Variants in CDK19 observed in about 807,000 individuals in gnomAD.
The protein encoded by CDK19 is cyclin-dependent kinase 19.
CDK19 carries 20 observed loss-of-function variants against 68.3 expected under a neutral mutation model. The ratio of observed to expected loss-of-function variants is 0.29; its 90% CI spans 0.21 to 0.43. The LOEUF is 0.43. Among genes scored for constraint, CDK19 ranks in the 20% least tolerant of loss-of-function variants. The probability of loss-of-function intolerance (pLI) is 1.00; values close to 1 mark genes in which losing one functional copy is unlikely to be tolerated. For synonymous variants in CDK19, 221 were observed against 222.8 expected (o/e 0.99, Z 0.07); for missense variants, 339 against 623.5 (o/e 0.54, Z 4.86).
rs1351042451 is a variant in CDK19, at chr6:110,684,438, G to GT, written c.205-13898dup. Among the ~76,000 whole-genome samples the GT allele has an allele frequency of 2.9e-5, 3 of 104,424 alleles. No individual in the cohort carries two copies. The South Asian group carries it at 1.3e-3, about 46-fold the overall frequency. 68.5% of individuals were successfully genotyped at this position (104,424 alleles called of 152,430 possible). On this transcript the variant is annotated intron_variant, in intron 2 of 12. Coordinates refer to ENST00000368911, the MANE Select transcript of CDK19 (RefSeq NM_015076.5). ...TCTCTCCTTGAAATAGAATGGTGGG[G>GT]TGGGGGGTGGGGAATAAGGGGTGGG...
chr6:110,797,671 C>T (rs969240561), intron 1 of CDK19, among the ~76,000 whole-genome samples: 4 of 152,178 alleles, frequency 2.6e-5, no homozygotes, highest in Non-Finnish European at 5.9e-5. Flanking sequence ...AGGAAACAGA[C>T]TTTGTATGAA....
At chr6:110,717,272 C>G (rs535800651) in intron 2 of CDK19, among the ~76,000 whole-genome samples, 1 of 151,710 alleles carries the variant, frequency 6.6e-6, no homozygotes, top group Non-Finnish European at 1.5e-5. Context: ...GAATGATATA[C>G]TTGGGCCCCT....
chr6:110,739,235 G>A (rs562174841), intron 2 of CDK19, among the ~76,000 whole-genome samples: 6 of 152,274 alleles, frequency 3.9e-5, no homozygotes, highest in East Asian at 3.9e-4. Flanking sequence ...ACTAGGTCAC[G>A]AGGACAGAGC....
intron 1 of CDK19, among the ~76,000 whole-genome samples, chr6:110,766,037 G>A (rs929848265): frequency 1.3e-5 from 2 of 152,102 alleles, no homozygotes; most frequent in Non-Finnish European, 2.9e-5. Context: ...AAAACAGTAT[G>A]AACATTCCTC....
chr6:110,764,952 A>AAAATAAATAAATAAATAAAT (rs57218365), intron 1 of CDK19, among the ~76,000 whole-genome samples: 22,264 of 140,806 alleles, frequency 0.16, 1,970 homozygotes, highest in Admixed American at 0.24. Flanking sequence ...CTCCATCTCA[A>AAAATAAATAAATAAATAAAT]AAATAAATAA....
intron 2 of CDK19, among the ~76,000 whole-genome samples, chr6:110,705,837 C>T (rs111750637): frequency 0.012 from 1,877 of 152,086 alleles, 33 homozygotes; most frequent in African/African-American, 0.043. Flanking sequence ...GGGAACATCA[C>T]ACACTGGGGC....
chr6:110,738,599 T>TA (rs1777426489), intron 2 of CDK19, among the ~76,000 whole-genome samples: 2 of 152,026 alleles, frequency 1.3e-5, no homozygotes, highest in South Asian at 4.1e-4. Flanking sequence ...TAAAACTAAA[T>TA]AGATATTTCT....
chr6:110,757,340 G>A (rs1182422309), intron 1 of CDK19, among the ~76,000 whole-genome samples: 2 of 152,096 alleles, frequency 1.3e-5, no homozygotes, highest in Admixed American at 6.5e-5. Flanking sequence ...GATATGCTAA[G>A]AAAATTGGGT....
intron 1 of CDK19, among the ~76,000 whole-genome samples, chr6:110,763,414 G>GTTT (rs1171650120): frequency 1.2e-4 from 14 of 119,998 alleles, no homozygotes; most frequent in East Asian, 2.5e-4. Flanking sequence ...CTCTTATTAT[G>GTTT]TTTTTTTTTT....
intron 4 of CDK19, among the ~76,000 whole-genome samples, chr6:110,653,795 T>C (rs1404090084): frequency 2.6e-5 from 4 of 152,242 alleles, no homozygotes; most frequent in African/African-American, 9.6e-5. Context: ...ATATTCATGA[T>C]ACTTAACATG....
intron 1 of CDK19, among the ~76,000 whole-genome samples, chr6:110,781,528 T>C (rs1307015183): frequency 6.6e-6 from 1 of 152,038 alleles, no homozygotes; most frequent in Non-Finnish European, 1.5e-5. Flanking sequence ...ATAAGAAACA[T>C]AGCAGAACTT....
rs374249330 is a variant in CDK19, at chr6:110,744,895, C to T, written c.204+1231G>A. On this transcript the variant is annotated intron_variant, in intron 2 of 12. Coordinates refer to ENST00000368911, the MANE Select transcript of CDK19 (RefSeq NM_015076.5). ...GCACCACACTTCTTATGACTAAAAG[C>T]GATGAAGGAGTGTTTCCATGCAGGT... Among the ~76,000 whole-genome samples, 6 of 152,062 alleles carry T rather than the reference C, an allele frequency of 3.9e-5. 1 individual carries two copies. Among genetic ancestry groups the T allele is most frequent in the African/African-American group, 7.2e-5 (3 of 41,404 alleles).
chr6:110,795,311 C>CTA (rs1781866790), intron 1 of CDK19, among the ~76,000 whole-genome samples: 1 of 152,120 alleles, frequency 6.6e-6, no homozygotes, highest in Admixed American at 6.6e-5. Context: ...TAATTACCAA[C>CTA]TATAAAATGG....
chr6:110,815,298 G>T lies in CDK19; in HGVS notation c.-162C>A. 1 of 740,140 alleles carries T rather than the reference G, an allele frequency of 1.4e-6. No homozygotes were observed. The highest frequency in any genetic ancestry group is 1.9e-6 in the Non-Finnish European group (1 of 522,772). 45.8% of individuals were successfully genotyped at this position (740,140 alleles called of 1,614,324 possible). Reference sequence around the variant, plus strand: ...CGCTCCGCGGTCCGCCTTCAGCAAGGGACTCCTCGGCGGCCACAGCAGCCA... The same window carrying T: ...CGCTCCGCGGTCCGCCTTCAGCAAGTGACTCCTCGGCGGCCACAGCAGCCA... On this transcript the variant is annotated 5_prime_UTR_variant, in exon 1 of 13. Coordinates refer to ENST00000368911, the MANE Select transcript of CDK19 (RefSeq NM_015076.5).
chr6:110,666,883 G>A (rs1349434281), intron 4 of CDK19, among the ~76,000 whole-genome samples: 1 of 152,178 alleles, frequency 6.6e-6, no homozygotes, highest in East Asian at 1.9e-4. Context: ...TCTGATATCA[G>A]TAAATAATGG....
intron 1 of CDK19, among the ~76,000 whole-genome samples, chr6:110,766,329 C>T (rs1364532351): frequency 6.6e-6 from 1 of 152,092 alleles, no homozygotes; most frequent in East Asian, 1.9e-4. Context: ...AATCCCAGCA[C>T]TTTGGGAGGC....
At chr6:110,719,419 G>A (rs1428354619) in intron 2 of CDK19, among the ~76,000 whole-genome samples, 1 of 152,150 alleles carries the variant, frequency 6.6e-6, no homozygotes, top group African/African-American at 2.4e-5. Context: ...AGCTATGTGG[G>A]AAGCTGAGGT....
chr6:110,812,306 T>C (rs982382390), intron 1 of CDK19, among the ~76,000 whole-genome samples: 1 of 152,082 alleles, frequency 6.6e-6, no homozygotes, highest in Non-Finnish European at 1.5e-5. Flanking sequence ...GTATTTTTAA[T>C]AGAGACGGGG....
At chr6:110,618,098 T>A (rs1778460147) in intron 12 of CDK19, among the ~76,000 whole-genome samples, 1 of 151,996 alleles carries the variant, frequency 6.6e-6, no homozygotes, top group Admixed American at 6.6e-5. Flanking sequence ...AAGAAACCCA[T>A]AAAGATAGAA....
Sources: allele counts gnomAD v4.1 joint callset (sites outside exome capture counted in the v4.1 genomes callset), GRCh38; gene constraint gnomAD v4.1.1; transcripts MANE v1.5; gene names NCBI Gene and HGNC (gene_info 2026-07-23, HGNC 2026-07-21).